The following CBLB variants were observed in gnomAD, a reference collection of about 807,000 sequenced individuals.
CBLB encodes the protein Cbl proto-oncogene B, also known as E3 ubiquitin-protein ligase CBL-B.
CBLB carries 31 observed loss-of-function variants against 104.9 expected under a neutral mutation model. The observed-to-expected ratio is 0.30, with a 90% CI of 0.22 to 0.40. The LOEUF is 0.40. Ranked by LOEUF, CBLB falls within the 10% of genes least tolerant of loss-of-function variation. CBLB has a pLI of 1.00. For missense variants in CBLB, 1,062 were observed against 1,214.6 expected, an observed-to-expected ratio of 0.87 and a Z score of 1.87; for synonymous variants, 440 against 422.6, an observed-to-expected ratio of 1.04 and a Z score of -0.51.
rs556077525 is a variant in CBLB at position 105,788,328 on chromosome 3, A to T, written c.420-11786T>A. 2.8e-3 allele frequency among the ~76,000 whole-genome samples: 425 copies of T among 152,312 alleles called. 2 individuals are homozygous for T. The highest frequency in any genetic ancestry group is 1.0e-2 in the African/African-American group (414 of 41,548). ...TATACCATTGAAGGTAATATATTAC[A>T]ACGGTGAAAAGCTCCAGCTCTAAAG... On this transcript the variant is annotated intron_variant, in intron 3 of 18. Transcript: ENST00000394030.
chr3:105,713,132 T>C (rs541751399), intron 10 of CBLB, among the ~76,000 whole-genome samples: 1 of 152,248 alleles, frequency 6.6e-6, no homozygotes, highest in South Asian at 2.1e-4. Flanking sequence ...ATAATATTAA[T>C]AACAACCAAT....
At position 105,741,179 on chromosome 3, in the gene CBLB, C is replaced by CTAATAAAATGTAATTTAACTA. The variant is rs2075526906; in HGVS notation, c.846-549_846-548insTAGTTAAATTACATTTTATTA. On this transcript the variant is annotated intron_variant, in intron 6 of 18. Coordinates refer to ENST00000394030, the MANE Select transcript of CBLB (RefSeq NM_170662.5). ...TCGATATATTCCTTTGTAATTTAGA[C>CTAATAAAATGTAATTTAACTA]ATTAAAATTAGTTTGTTTGTTTTTT... is the stretch of plus-strand genomic sequence containing the variant. 4.0e-5 allele frequency among the ~76,000 whole-genome samples: 5 copies of CTAATAAAATGTAATTTAACTA among 125,998 alleles called. No homozygotes were observed. In the South Asian group the frequency reaches 1.4e-3, roughly 35 times the overall value. 82.7% of individuals were successfully genotyped at this position (125,998 alleles called of 152,430 possible). A position where few individuals can be genotyped will look rare whatever the true frequency, so the allele number is the denominator to read the frequency against.
chr3:105,786,928 T>C (rs943694430), intron 3 of CBLB, among the ~76,000 whole-genome samples: 2 of 152,212 alleles, frequency 1.3e-5, no homozygotes, highest in African/African-American at 4.8e-5. Context: ...TTACTTCCAT[T>C]TATTAGATAT....
At chr3:105,788,890 G>A (rs1284850212) in intron 3 of CBLB, among the ~76,000 whole-genome samples, 1 of 152,050 alleles carries the variant, frequency 6.6e-6, no homozygotes, top group African/African-American at 2.4e-5. Flanking sequence ...AAATGCTCTT[G>A]CGTTTAGCTG....
intron 3 of CBLB, among the ~76,000 whole-genome samples, chr3:105,806,431 T>C (rs565995251): frequency 8.7e-6 from 1 of 114,688 alleles, no homozygotes; most frequent in South Asian, 2.6e-4. Context: ...AAAACAAAAA[T>C]AGAAGTGGTA....
chr3:105,714,712 A>G (rs575828822), intron 10 of CBLB, among the ~76,000 whole-genome samples: 1 of 152,314 alleles, frequency 6.6e-6, no homozygotes, highest in Admixed American at 6.5e-5. Flanking sequence ...CTAACAGATC[A>G]CAGACTGGTA....
At chr3:105,758,614 G>A (rs928771768) in intron 4 of CBLB, among the ~76,000 whole-genome samples, 4 of 152,212 alleles carry the variant, frequency 2.6e-5, no homozygotes, top group South Asian at 2.1e-4. Flanking sequence ...AGTCAGATGC[G>A]GAGCAGCAAG....
intron 3 of CBLB, among the ~76,000 whole-genome samples, chr3:105,799,335 T>C (rs565225875): frequency 2.0e-5 from 3 of 152,184 alleles, no homozygotes; most frequent in African/African-American, 7.2e-5. Flanking sequence ...TAAGAGAACA[T>C]TAGAGCATGG....
Position 105,696,210 on chromosome 3 carries a change from T to C in CBLB, c.1960-2622A>G, listed in dbSNP as rs577862713. ...AACTTGGAATAGAACTGTATAGTTCTTTCCTAATTAGTAGATTGAGATAGC... is the reference window on the plus strand; with the variant it reads ...AACTTGGAATAGAACTGTATAGTTCCTTCCTAATTAGTAGATTGAGATAGC... On this transcript the variant is annotated intron_variant, in intron 12 of 18. Transcript: ENST00000394030. Among the ~76,000 whole-genome samples the C allele has an allele frequency of 2.6e-5, 4 of 151,854 alleles. No homozygotes were observed. The East Asian group carries it at 7.7e-4, about 29-fold the overall frequency.
At chr3:105,726,045 C>T (rs2073579844) in intron 9 of CBLB, among the ~76,000 whole-genome samples, 1 of 152,072 alleles carries the variant, frequency 6.6e-6, no homozygotes, top group African/African-American at 2.4e-5. Flanking sequence ...AAACAGGGTT[C>T]GCCATGTTGG....
intron 12 of CBLB, among the ~76,000 whole-genome samples, chr3:105,696,850 T>C (rs944183055): frequency 1.4e-4 from 21 of 151,966 alleles, no homozygotes; most frequent in African/African-American, 3.9e-4. Flanking sequence ...TTTTATGCTA[T>C]AGGCTATCCA....
At chr3:105,818,443 T>C (rs927707724) in intron 3 of CBLB, among the ~76,000 whole-genome samples, 43 of 152,256 alleles carry the variant, frequency 2.8e-4, no homozygotes, top group Admixed American at 2.4e-3. Flanking sequence ...TAATATTCCC[T>C]ACTGAAAGTA....
intron 4 of CBLB, among the ~76,000 whole-genome samples, chr3:105,772,935 G>A (rs1315172422): frequency 6.6e-6 from 1 of 152,182 alleles, no homozygotes; most frequent in African/African-American, 2.4e-5. Flanking sequence ...TACATTGCTG[G>A]TGGGAGTATG....
chr3:105,868,110 TCAA>T, intron 1 of CBLB: 1 of 632,858 alleles, frequency 1.6e-6, no homozygotes, highest in East Asian at 3.4e-5. Context: ...AGCTCTGTTG[TCAA>T]CAAAAGCGCA....
At chr3:105,861,410 C>T (rs2092074593) in intron 2 of CBLB, among the ~76,000 whole-genome samples, 1 of 152,094 alleles carries the variant, frequency 6.6e-6, no homozygotes, top group Non-Finnish European at 1.5e-5. Flanking sequence ...AAATCACTTC[C>T]TGACAACCCA....
intron 18 of CBLB, among the ~76,000 whole-genome samples, chr3:105,664,121 T>C (rs1000742044): frequency 2.6e-5 from 4 of 152,164 alleles, no homozygotes; most frequent in Non-Finnish European, 4.4e-5. Context: ...CTGAAAGATG[T>C]GTCTAATAAG....
At chr3:105,701,959 A>C in intron 12 of CBLB, 135 bp downstream of exon 12, 1 of 889,988 alleles carries the variant, frequency 1.1e-6, no homozygotes, top group South Asian at 1.5e-5. Context: ...GATTATTTAT[A>C]ACTTGGGGAT....
chr3:105,801,264 TA>T (rs2082833734), intron 3 of CBLB, among the ~76,000 whole-genome samples: 1 of 152,196 alleles, frequency 6.6e-6, no homozygotes, highest in Admixed American at 6.5e-5. Context: ...TAATAGCTTA[TA>T]AAACCTAGGT....
rs1289816810 is a variant in CBLB, at chr3:105,761,783, A to T, written c.567-10165T>A. 5.9e-5 allele frequency among the ~76,000 whole-genome samples: 9 copies of T among 152,230 alleles called. No homozygotes were observed. In the South Asian group the frequency reaches 1.0e-3, roughly 18 times the overall value. ...CCAAAAACTGTGGAAGCAACTTTGG[A>T]ACTGGATAACAGGGAGAGGTTGGAA... is the stretch of plus-strand genomic sequence containing the variant. On this transcript the variant is annotated intron_variant, in intron 4 of 18. Transcript: ENST00000394030.
Sources: allele counts gnomAD v4.1 joint callset (sites outside exome capture counted in the v4.1 genomes callset), GRCh38; gene constraint gnomAD v4.1.1; transcripts MANE v1.5; gene names NCBI Gene and HGNC (gene_info 2026-07-23, HGNC 2026-07-21).